MTUS2: variants seen among roughly 807,000 people sequenced by gnomAD.
MTUS2 encodes the protein microtubule-associated tumor suppressor candidate 2.
A neutral mutation model predicts 114.1 loss-of-function variants in MTUS2; 40 were observed. That is an observed-to-expected ratio of 0.35 (90% CI 0.27 to 0.46). The LOEUF (loss-of-function observed/expected upper bound fraction) is 0.46, where lower values mean the gene tolerates loss of function less well. MTUS2 is among the 20% of genes least tolerant of loss of function. The pLI is 1.00. For synonymous variants in MTUS2, 688 were observed against 672.0 expected (o/e 1.02, Z -0.37); for missense variants, 1,679 against 1,705.4 (o/e 0.98, Z 0.27).
At chr13:29,449,331 T>C (rs957499985) in intron 9 of MTUS2, among the ~76,000 whole-genome samples, 10 of 152,192 alleles carry the variant, frequency 6.6e-5, no homozygotes, top group Non-Finnish European at 1.5e-4. Flanking sequence ...TTATGACTAG[T>C]AGCCCACACA....
chr13:29,132,448 A>C (rs1891805301), intron 5 of MTUS2, among the ~76,000 whole-genome samples: 2 of 152,182 alleles, frequency 1.3e-5, no homozygotes, highest in African/African-American at 4.8e-5. Flanking sequence ...ATTGTTGTGC[A>C]ACCATCACCA....
At position 29,324,629 on chromosome 13, in the gene MTUS2, T is replaced by C; in HGVS notation, c.2823T>C (p.Ala941=). The change falls in exon 7 of 16, where the codon GCT becomes GCC. Residue 941 remains alanine, a synonymous_variant. Transcript: ENST00000612955. ...TATACACAGGAACAAAGAAAGATGC[T>C]CAGAAAGATCAAGATACGAATAAAC... ...TSTPAGTKKD[A]QKDQDTNKPA... The C allele has an allele frequency of 3.2e-6, 5 of 1,585,102 alleles. No individual in the cohort carries two copies. The highest frequency in any genetic ancestry group is 4.3e-6 in the Non-Finnish European group (5 of 1,164,490).
At chr13:28,900,235 A>G (rs1037305910) in intron 2 of MTUS2, among the ~76,000 whole-genome samples, 2 of 152,170 alleles carry the variant, frequency 1.3e-5, no homozygotes, top group Non-Finnish European at 2.9e-5. Flanking sequence ...AACGATTACA[A>G]TATTGGCATT....
chr13:29,418,396 C>A (rs991901182), intron 8 of MTUS2, among the ~76,000 whole-genome samples: 1 of 152,150 alleles, frequency 6.6e-6, no homozygotes, highest in African/African-American at 2.4e-5. Flanking sequence ...GTGGCCATGA[C>A]TCTCTGTCTT....
intron 2 of MTUS2, among the ~76,000 whole-genome samples, chr13:28,911,327 C>T (rs771745733): frequency 2.0e-5 from 3 of 151,704 alleles, no homozygotes; most frequent in Non-Finnish European, 4.4e-5. Context: ...AGGCACGTAC[C>T]ACCATGCCCA....
chr13:29,110,652 C>T (rs1046970116), intron 5 of MTUS2, among the ~76,000 whole-genome samples: 28 of 152,170 alleles, frequency 1.8e-4, no homozygotes, highest in African/African-American at 6.5e-4. Context: ...CCTTCCCACA[C>T]ATTTACAAAG....
At chr13:29,059,821 G>C (rs1331340157) in intron 4 of MTUS2, among the ~76,000 whole-genome samples, 1 of 152,222 alleles carries the variant, frequency 6.6e-6, no homozygotes, top group Non-Finnish European at 1.5e-5. Flanking sequence ...TTGTCTGTAA[G>C]CTCTAGCATA....
intron 9 of MTUS2, among the ~76,000 whole-genome samples, chr13:29,475,549 CAAGAT>C (rs1238969381): frequency 6.6e-6 from 1 of 152,090 alleles, no homozygotes; most frequent in Non-Finnish European, 1.5e-5. Flanking sequence ...TCCAGTGGGA[CAAGAT>C]GTGGAGTTGG....
chr13:29,376,767 A>G (rs1351890060), intron 8 of MTUS2, among the ~76,000 whole-genome samples: 2 of 152,172 alleles, frequency 1.3e-5, no homozygotes, highest in African/African-American at 4.8e-5. Flanking sequence ...TGCTGCTTTC[A>G]GAAAAAGGTT....
intron 2 of MTUS2, among the ~76,000 whole-genome samples, chr13:28,950,128 T>C (rs1377168419): frequency 6.6e-6 from 1 of 152,236 alleles, no homozygotes; most frequent in Non-Finnish European, 1.5e-5. Context: ...TTGTCTGTTT[T>C]TTGATACTAG....
chr13:29,256,485 G>T (rs1027464138), intron 5 of MTUS2, among the ~76,000 whole-genome samples: 1 of 152,230 alleles, frequency 6.6e-6, no homozygotes, highest in Non-Finnish European at 1.5e-5. Flanking sequence ...GGCAAGGAGG[G>T]CAAAGCACCA....
At chr13:29,383,625 A>G (rs1483091395) in intron 8 of MTUS2, among the ~76,000 whole-genome samples, 1 of 152,142 alleles carries the variant, frequency 6.6e-6, no homozygotes, top group Non-Finnish European at 1.5e-5. Flanking sequence ...CTGCCACACC[A>G]GGCCTGCCAC....
chr13:28,866,963 A>G (rs1290691871), intron 2 of MTUS2, among the ~76,000 whole-genome samples: 2 of 152,254 alleles, frequency 1.3e-5, no homozygotes, highest in Non-Finnish European at 1.5e-5. Context: ...ATAAATCACA[A>G]TGCAACATCT....
At chr13:28,997,806 C>T (rs9670106) in intron 2 of MTUS2, among the ~76,000 whole-genome samples, 2,687 of 152,114 alleles carry the variant, frequency 0.018, 81 homozygotes, top group African/African-American at 0.061. Flanking sequence ...GATGGGTTTC[C>T]TGAATACAGC....
intron 4 of MTUS2, among the ~76,000 whole-genome samples, chr13:29,035,056 A>C (rs1887001677): frequency 6.6e-6 from 1 of 152,190 alleles, no homozygotes; most frequent in South Asian, 2.1e-4. Context: ...TGATACAGAC[A>C]GGCAGATCAA....
chr13:29,396,254 A>T (rs1195661522), intron 8 of MTUS2, among the ~76,000 whole-genome samples: 25 of 152,364 alleles, frequency 1.6e-4, no homozygotes, highest in Admixed American at 1.4e-3. Flanking sequence ...CAAAAGCACC[A>T]ACACACTGAA....
At chr13:29,445,547 T>C (rs57959769) in intron 9 of MTUS2, among the ~76,000 whole-genome samples, 22,415 of 152,092 alleles carry the variant, frequency 0.15, 3,215 homozygotes, top group African/African-American at 0.38. Flanking sequence ...GCCCTCTGGG[T>C]GCACCATCTT....
intron 5 of MTUS2, among the ~76,000 whole-genome samples, chr13:29,144,200 T>A (rs1892337998): frequency 6.6e-6 from 1 of 152,206 alleles, no homozygotes; most frequent in Non-Finnish European, 1.5e-5. Flanking sequence ...CATTGCTGTG[T>A]AGCAAATTAC....
chr13:29,051,795 C>A (rs554635102), intron 4 of MTUS2, among the ~76,000 whole-genome samples: 4 of 152,252 alleles, frequency 2.6e-5, no homozygotes, highest in Admixed American at 2.6e-4. Context: ...TCATGGAGAC[C>A]AATCCTTATT....
Sources: allele counts gnomAD v4.1 joint callset (sites outside exome capture counted in the v4.1 genomes callset), GRCh38; gene constraint gnomAD v4.1.1; transcripts MANE v1.5; gene names NCBI Gene and HGNC (gene_info 2026-07-23, HGNC 2026-07-21).